Variants in UBR1 observed in about 807,000 individuals in gnomAD.
UBR1 encodes ubiquitin protein ligase E3 component n-recognin 1.
In UBR1, 102 loss-of-function variants were observed where a neutral mutation model predicts 242.1. The ratio of observed to expected loss-of-function variants is 0.42; its 90% confidence interval spans 0.36 to 0.50. UBR1 has a LOEUF of 0.50. Ranked by LOEUF, UBR1 falls within the 20% of genes least tolerant of loss-of-function variation. The pLI is 0.01. For missense variants in UBR1, 1,772 were observed against 2,101.8 expected (o/e 0.84, Z 3.07); for synonymous variants, 675 against 684.8 (o/e 0.99, Z 0.22).
chr15:43,021,139 T>G (rs914253495), intron 27 of UBR1, 136 bp downstream of exon 27: 14 of 651,264 alleles, frequency 2.1e-5, no homozygotes, highest in Non-Finnish European at 3.5e-5. Context: ...AAAATAGAAT[T>G]ATTAACATGA....
intron 30 of UBR1, among the ~76,000 whole-genome samples, chr15:43,004,858 A>G (rs1413380493): frequency 1.4e-5 from 2 of 146,578 alleles, no homozygotes; most frequent in African/African-American, 5.2e-5. Context: ...GGATGTGAGG[A>G]GCCCCTCTGC....
intron 33 of UBR1, among the ~76,000 whole-genome samples, chr15:42,996,669 A>T (rs1190892908): frequency 1.3e-5 from 2 of 152,186 alleles, no homozygotes; most frequent in African/African-American, 4.8e-5. Context: ...AAATAAAACC[A>T]TCACCGCTAT....
intron 11 of UBR1, among the ~76,000 whole-genome samples, chr15:43,055,541 T>G (rs2033607145): frequency 6.6e-6 from 1 of 152,170 alleles, no homozygotes; most frequent in Non-Finnish European, 1.5e-5. Context: ...TACCCCAATC[T>G]AAACTCTCCT....
intron 27 of UBR1, among the ~76,000 whole-genome samples, chr15:43,017,901 T>A (rs2033051363): frequency 6.6e-6 from 1 of 152,016 alleles, no homozygotes; most frequent in South Asian, 2.1e-4. Context: ...TATATTTACA[T>A]CTATTTTCAT....
chr15:43,048,790 T>C (rs1451690788), intron 12 of UBR1, among the ~76,000 whole-genome samples: 1 of 152,218 alleles, frequency 6.6e-6, no homozygotes, highest in East Asian at 1.9e-4. Context: ...CAGCTAACTC[T>C]GGACAACCAC....
At chr15:43,037,630 T>A (rs926173194) in intron 17 of UBR1, 143 bp downstream of exon 17, 4 of 717,692 alleles carry the variant, frequency 5.6e-6, no homozygotes, top group Non-Finnish European at 9.8e-6. Context: ...ATATAGTTCC[T>A]AGAACTTTCA....
At chr15:42,946,274 G>A (rs553587417) in intron 46 of UBR1, among the ~76,000 whole-genome samples, 19 of 152,032 alleles carry the variant, frequency 1.2e-4, no homozygotes, top group Non-Finnish European at 1.0e-4. Context: ...ACAGGTGCCC[G>A]CCACGATACC....
intron 20 of UBR1, among the ~76,000 whole-genome samples, chr15:43,031,223 G>T (rs950307234): frequency 6.6e-6 from 1 of 151,068 alleles, no homozygotes; most frequent in African/African-American, 2.4e-5. Context: ...TTAAACTCAG[G>T]AGCAGAGCAA....
chr15:42,952,428 T>C lies in UBR1; in HGVS notation c.4856A>G (p.Asp1619Gly), dbSNP rs753088815. The C allele has an allele frequency of 1.4e-5, 23 of 1,614,216 alleles. No homozygotes were observed. The highest frequency in any genetic ancestry group is 1.9e-5 in the Non-Finnish European group (23 of 1,180,044). ...GCAGAGGACAGGATGCTTTCGCTCATCATCTGCAGACCGTGGGCACCTCAA... is the reference window on the plus strand; with the variant it reads ...GCAGAGGACAGGATGCTTTCGCTCACCATCTGCAGACCGTGGGCACCTCAA... Reference protein sequence around the residue: ...SHFRCPRSADDERKHPVLCLF... With the variant: ...SHFRCPRSADGERKHPVLCLF... The change falls in exon 45 of 47, where the codon GAT (aspartate) becomes GGT (glycine). Residue 1619 changes from aspartate (D) to glycine (G), a missense_variant. By Grantham distance (94) the Asp-to-Gly change is moderately conservative. This residue lies in a region of UBR1 where 965 missense variants were observed against 1,079.7 expected (regional missense o/e 0.89). Transcript: ENST00000290650.
intron 41 of UBR1, 111 bp from the exon 42 acceptor site, chr15:42,964,154 G>T (rs1335707497): frequency 3.8e-6 from 3 of 794,538 alleles, no homozygotes; most frequent in African/African-American, 1.7e-5. Context: ...CTTGTAGAGG[G>T]TATATTGCTT....
At chr15:43,027,203 G>C (rs896905081) in intron 22 of UBR1, among the ~76,000 whole-genome samples, 3 of 151,870 alleles carry the variant, frequency 2.0e-5, no homozygotes, top group Non-Finnish European at 4.4e-5. Context: ...CAATCTCTAA[G>C]TCGAATATTT....
At chr15:42,996,814 G>C (rs2141281407) in intron 33 of UBR1, among the ~76,000 whole-genome samples, 1 of 152,196 alleles carries the variant, frequency 6.6e-6, no homozygotes, top group East Asian at 1.9e-4. Flanking sequence ...ATGAATTGTA[G>C]AAATAAGACA....
chr15:43,076,666 G>C (rs1329841192), intron 3 of UBR1, among the ~76,000 whole-genome samples: 2 of 146,070 alleles, frequency 1.4e-5, no homozygotes, highest in East Asian at 4.1e-4. Flanking sequence ...CCCTCTGCCT[G>C]GCAACCGCCC....
Position 43,029,970 on chromosome 15 carries a change from C to T in UBR1, c.2353G>A (p.Ala785Thr). The change falls in exon 21 of 47, where the codon GCC (alanine) becomes ACC (threonine). Residue 785 changes from alanine to threonine, a missense_variant. By Grantham distance (58) the Ala-to-Thr change is moderately conservative (BLOSUM62 0). Transcript: ENST00000290650. ...LLCIEPMPHS[A>T]IAKNLPENEN... ...TTCTCAGGTAAATTTTTGGCAATGG[C>T]ACTGTGTGGCATGGGTTCAATGCAA... is the stretch of plus-strand genomic sequence containing the variant. The T allele has an allele frequency of 1.2e-6, 2 of 1,614,070 alleles. No individual in the cohort carries two copies. Among genetic ancestry groups the T allele is most frequent in the African/African-American group, 1.3e-5 (1 of 75,040 alleles).
chr15:43,057,570 G>A (rs1393175778), intron 10 of UBR1, among the ~76,000 whole-genome samples: 1 of 152,176 alleles, frequency 6.6e-6, no homozygotes. Context: ...AGAGATACAC[G>A]ATAGATTAAT....
intron 32 of UBR1, 24 bp downstream of exon 32, chr15:43,002,531 A>G (rs866246075): frequency 6.2e-7 from 1 of 1,610,428 alleles, no homozygotes; most frequent in African/African-American, 1.3e-5. Context: ...TAAAAAATTA[A>G]CCAAAACATA....
chr15:43,015,911 T>C (rs1047978550), intron 28 of UBR1, 42 bp from the exon 29 acceptor site: 11 of 1,580,092 alleles, frequency 7.0e-6, no homozygotes, highest in Non-Finnish European at 9.5e-6. Flanking sequence ...GATCCACTGT[T>C]AAACATTTAT....
In UBR1 at chr15:43,043,229, G is replaced by C; in HGVS notation, c.1835C>G (p.Ser612Cys). The part of the protein sequence containing the change: ...EDLVSIHLPL[S>C]RTLAGLHVRL... ...CAAACACTCACCAGCAAGGGTCCTA[G>C]AGAGTGGCAGATGTATGCTTACAAG... is the stretch of plus-strand genomic sequence containing the variant. The change falls in exon 15 of 47, where the codon TCT becomes TGT. Residue 612 changes from serine (S) to cysteine (C), a missense_variant. Ser to Cys is a moderately radical substitution (Grantham distance 112). Around this residue, in one of 3 missense-constraint regions of UBR1, gnomAD observed 734 missense variants for 893.3 expected, o/e 0.82. Transcript: ENST00000290650. The C allele has an allele frequency of 6.2e-7, 1 of 1,614,100 alleles. No individual in the cohort carries two copies. The highest frequency in any genetic ancestry group is 1.1e-5 in the South Asian group (1 of 91,080).
chr15:42,966,842 A>G (rs2141259651), intron 40 of UBR1, among the ~76,000 whole-genome samples: 1 of 152,284 alleles, frequency 6.6e-6, no homozygotes, highest in East Asian at 1.9e-4. Flanking sequence ...AAGCAAAACA[A>G]AAACAAAGAG....
Sources: gnomAD v4.1 joint callset for allele counts (sites outside exome capture counted in the v4.1 genomes callset) on GRCh38, gnomAD v4.1.1 for gene constraint, gnomAD v4.1.1 regional missense constraint, MANE v1.5 for transcripts, NCBI Gene and HGNC (gene_info 2026-07-23, HGNC 2026-07-21) for gene names.